Variants in CDK14 observed in about 807,000 individuals in gnomAD.
CDK14 encodes the protein cyclin dependent kinase 14.
In CDK14, 34 loss-of-function variants were observed where a neutral mutation model predicts 60.7. The observed-to-expected ratio is 0.56, with a 90% CI of 0.43 to 0.75. The LOEUF is 0.75. Ranked by LOEUF, CDK14 falls within the 30% of genes least tolerant of loss-of-function variation. The pLI, the probability that CDK14 is intolerant of heterozygous loss-of-function variation, is 0.00. For synonymous variants in CDK14, 197 were observed against 203.7 expected (o/e 0.97, Z 0.28); for missense variants, 482 against 564.1 (o/e 0.85, Z 1.47).
intron 5 of CDK14, among the ~76,000 whole-genome samples, chr7:90,814,056 G>C (rs543675172): frequency 3.3e-5 from 5 of 152,064 alleles, no homozygotes; most frequent in Non-Finnish European, 5.9e-5. Flanking sequence ...CTAAATATGT[G>C]TTACTTTTAT....
At chr7:90,863,026 G>C in intron 5 of CDK14, 149 bp from the exon 6 acceptor site, 1 of 509,634 alleles carries the variant, frequency 2.0e-6, no homozygotes, top group Non-Finnish European at 3.5e-6. Flanking sequence ...AAAAAGTCTT[G>C]TTTTTCTACC....
chr7:90,910,621 T>C (rs1792862498), intron 7 of CDK14, among the ~76,000 whole-genome samples: 1 of 152,204 alleles, frequency 6.6e-6, no homozygotes, highest in Non-Finnish European at 1.5e-5. Context: ...GTTCACATAG[T>C]ATATAGCTAT....
At chr7:91,105,433 A>G (rs576104416) in intron 12 of CDK14, among the ~76,000 whole-genome samples, 2 of 152,332 alleles carry the variant, frequency 1.3e-5, no homozygotes, top group Non-Finnish European at 2.9e-5. Context: ...TTCACTATGG[A>G]TGGGGATGTA....
chr7:90,910,707 G>A lies in CDK14; in HGVS notation c.703-6894G>A, dbSNP rs1792864436. On this transcript the variant is annotated intron_variant, in intron 7 of 14. Transcript: ENST00000380050. ...AGTGTCAGAGTAAGACAAAAAATGG[G>A]TTCAAATATCAGCACTCTCTCTTAC... Among the ~76,000 whole-genome samples, 3 of 152,210 alleles carry A rather than the reference G, an allele frequency of 2.0e-5. No individual in the cohort carries two copies. In the South Asian group the frequency reaches 6.2e-4, roughly 32 times the overall value.
At chr7:90,693,445 C>T (rs1400536191) in intron 2 of CDK14, among the ~76,000 whole-genome samples, 1 of 152,176 alleles carries the variant, frequency 6.6e-6, no homozygotes, top group Non-Finnish European at 1.5e-5. Flanking sequence ...TTTTTCCATA[C>T]CTTGTGTCTT....
At chr7:91,133,391 T>G (rs1480263131) in intron 14 of CDK14, among the ~76,000 whole-genome samples, 1 of 152,068 alleles carries the variant, frequency 6.6e-6, no homozygotes, top group African/African-American at 2.4e-5. Context: ...GGGATAATTA[T>G]GATAACAATG....
chr7:91,151,716 T>C (rs760808514), intron 14 of CDK14, among the ~76,000 whole-genome samples: 3 of 152,210 alleles, frequency 2.0e-5, no homozygotes, highest in Non-Finnish European at 1.5e-5. Flanking sequence ...GAAAAAATGC[T>C]TCCCTTTTCT....
intron 9 of CDK14, among the ~76,000 whole-genome samples, chr7:90,976,495 A>G (rs1227593271): frequency 1.3e-5 from 2 of 151,378 alleles, no homozygotes; most frequent in East Asian, 1.9e-4. Flanking sequence ...AGCTGAGACT[A>G]CTACAGGTGC....
At chr7:91,115,193 TG>T (rs763774806) in intron 13 of CDK14, among the ~76,000 whole-genome samples, 15 of 152,184 alleles carry the variant, frequency 9.9e-5, no homozygotes, top group Non-Finnish European at 1.9e-4. Flanking sequence ...GGAACCTCGC[TG>T]TCTTAGTTTG....
chr7:91,051,832 C>T (rs1412242150), intron 11 of CDK14, among the ~76,000 whole-genome samples: 1 of 152,194 alleles, frequency 6.6e-6, no homozygotes, highest in Admixed American at 6.5e-5. Flanking sequence ...AGGTTTACCC[C>T]CTGCTACATC....
chr7:90,927,546 G>T (rs1793455390), intron 8 of CDK14, among the ~76,000 whole-genome samples: 1 of 152,130 alleles, frequency 6.6e-6, no homozygotes. Flanking sequence ...ACAGTACACA[G>T]CTGTAGTGCA....
intron 14 of CDK14, among the ~76,000 whole-genome samples, chr7:91,205,446 CATATT>C (rs1802864370): frequency 6.6e-6 from 1 of 152,092 alleles, no homozygotes; most frequent in South Asian, 2.1e-4. Flanking sequence ...AAATGGGTAG[CATATT>C]ATATGATTCC....
intron 2 of CDK14, among the ~76,000 whole-genome samples, chr7:90,679,967 C>T (rs1041191636): frequency 3.3e-5 from 5 of 151,970 alleles, no homozygotes; most frequent in African/African-American, 1.2e-4. Flanking sequence ...TTATCTTTCT[C>T]CTGGTGCTTT....
intron 12 of CDK14, among the ~76,000 whole-genome samples, chr7:91,095,291 T>C (rs1798950180): frequency 6.6e-6 from 1 of 152,184 alleles, no homozygotes; most frequent in African/African-American, 2.4e-5. Context: ...TTCATATTTG[T>C]TGAAGAATGA....
At chr7:91,091,437 A>G (rs911022166) in intron 12 of CDK14, among the ~76,000 whole-genome samples, 1 of 142,652 alleles carries the variant, frequency 7.0e-6, no homozygotes, top group Non-Finnish European at 1.5e-5. Flanking sequence ...TATAATTTAT[A>G]TACACATATG....
chr7:90,719,589 T>A (rs1802370049), intron 2 of CDK14, among the ~76,000 whole-genome samples: 1 of 152,112 alleles, frequency 6.6e-6, no homozygotes, highest in African/African-American at 2.4e-5. Flanking sequence ...CAGGTTTGAG[T>A]TTGCCAGCAA....
chr7:90,700,071 A>C (rs367713454), intron 2 of CDK14, among the ~76,000 whole-genome samples: 1 of 152,124 alleles, frequency 6.6e-6, no homozygotes, highest in African/African-American at 2.4e-5. Flanking sequence ...TTTTCTTAAC[A>C]TAGGTGGAAA....
At chr7:90,885,758 C>G (rs1251180673) in intron 6 of CDK14, among the ~76,000 whole-genome samples, 1 of 152,146 alleles carries the variant, frequency 6.6e-6, no homozygotes, top group Non-Finnish European at 1.5e-5. Flanking sequence ...AGATCATGTC[C>G]TTTGCAGGGA....
At chr7:90,979,227 T>G (rs981918988) in intron 9 of CDK14, among the ~76,000 whole-genome samples, 2 of 152,206 alleles carry the variant, frequency 1.3e-5, no homozygotes, top group Non-Finnish European at 2.9e-5. Flanking sequence ...TTTCAACCAT[T>G]TAAAAATGTA....
Sources: allele counts gnomAD v4.1 joint callset (sites outside exome capture counted in the v4.1 genomes callset), GRCh38; gene constraint gnomAD v4.1.1; transcripts MANE v1.5; gene names NCBI Gene and HGNC (gene_info 2026-07-23, HGNC 2026-07-21).